Variants in MSI2 observed in about 807,000 individuals in gnomAD.
The protein encoded by MSI2 is RNA-binding protein Musashi homolog 2.
A neutral mutation model predicts 45.6 loss-of-function variants in MSI2; 17 were observed. That is an observed-to-expected ratio of 0.37 (90% CI 0.26 to 0.56). MSI2 has a LOEUF of 0.56. Among genes scored for constraint, MSI2 ranks in the 20% least tolerant of loss-of-function variants. The pLI, the probability that MSI2 is intolerant of heterozygous loss-of-function variation, is 0.77. For synonymous variants in MSI2, 156 were observed against 158.2 expected (o/e 0.99, Z 0.11); for missense variants, 293 against 444.2 (o/e 0.66, Z 3.06).
At chr17:57,503,806 G>T (rs1044162599) in intron 6 of MSI2, among the ~76,000 whole-genome samples, 35 of 152,214 alleles carry the variant, frequency 2.3e-4, no homozygotes, top group Non-Finnish European at 4.4e-5. Context: ...GTGCAGTCGC[G>T]CAATCGCGGC....
intron 4 of MSI2, 102 bp downstream of exon 4, chr17:57,258,456 G>T (rs560520867): frequency 1.8e-5 from 18 of 999,490 alleles, no homozygotes; most frequent in Middle Eastern, 2.1e-4. Context: ...TTCTGTGCTA[G>T]AACTGGGTAG....
At chr17:57,368,276 G>A (rs1459689803) in intron 5 of MSI2, among the ~76,000 whole-genome samples, 1 of 152,140 alleles carries the variant, frequency 6.6e-6, no homozygotes, top group South Asian at 2.1e-4. Flanking sequence ...TTGGCTGAGC[G>A]TGGTGGCTCA....
intron 5 of MSI2, among the ~76,000 whole-genome samples, chr17:57,372,224 T>C (rs1168230842): frequency 6.6e-6 from 1 of 152,230 alleles, no homozygotes; most frequent in Non-Finnish European, 1.5e-5. Flanking sequence ...AAGCTCTCTC[T>C]TTCGGGTTTA....
intron 7 of MSI2, among the ~76,000 whole-genome samples, chr17:57,576,753 TA>T (rs569924345): frequency 0.32 from 41,135 of 128,638 alleles, 6,148 homozygotes; most frequent in Admixed American, 0.38. Context: ...AATCTGTCTT[TA>T]AAAAAAAAAA....
intron 7 of MSI2, among the ~76,000 whole-genome samples, chr17:57,557,579 G>C: frequency 6.6e-6 from 1 of 152,254 alleles, no homozygotes; most frequent in South Asian, 2.1e-4. Context: ...TGTGTGGCCA[G>C]GGACAGGTTC....
intron 6 of MSI2, among the ~76,000 whole-genome samples, chr17:57,512,874 C>T (rs1237098842): frequency 6.6e-6 from 1 of 151,842 alleles, no homozygotes; most frequent in Non-Finnish European, 1.5e-5. Flanking sequence ...AATACTAGAT[C>T]TTCTGACCAG....
chr17:57,395,483 A>G (rs1806344525), intron 5 of MSI2, among the ~76,000 whole-genome samples: 1 of 152,122 alleles, frequency 6.6e-6, no homozygotes, highest in South Asian at 2.1e-4. Context: ...AGGTGGCAGG[A>G]GGGTGGCTCC....
intron 11 of MSI2, 82 bp from the exon 12 acceptor site, chr17:57,674,890 A>C: frequency 1.3e-6 from 2 of 1,570,170 alleles, no homozygotes; most frequent in Non-Finnish European, 1.7e-6. Flanking sequence ...TTCTGGCCTC[A>C]TACCCAGCTC....
At chr17:57,435,719 G>C (rs900877088) in intron 6 of MSI2, among the ~76,000 whole-genome samples, 14 of 152,216 alleles carry the variant, frequency 9.2e-5, no homozygotes, top group Admixed American at 6.5e-4. Context: ...GGGCTATGCT[G>C]TCTCACGTAA....
At chr17:57,686,657 A>T (rs1399832130), downstream of MSI2, among the ~76,000 whole-genome samples, 1 of 152,226 alleles carries the variant, frequency 6.6e-6, no homozygotes, top group African/African-American at 2.4e-5. Context: ...AACACTCCAC[A>T]GCAATATTAT....
intron 6 of MSI2, among the ~76,000 whole-genome samples, chr17:57,459,788 A>G (rs143339118): frequency 0.013 from 1,926 of 151,792 alleles, 24 homozygotes; most frequent in Non-Finnish European, 0.021. Flanking sequence ...GAGCCCAGGA[A>G]TTCAAGACCA....
At chr17:57,275,607 G>A (rs1211350789) in intron 5 of MSI2, among the ~76,000 whole-genome samples, 1 of 152,198 alleles carries the variant, frequency 6.6e-6, no homozygotes, top group East Asian at 1.9e-4. Flanking sequence ...CTGTATGTGG[G>A]TCCCTTTCAC....
In MSI2 at chr17:57,378,048, C is replaced by A. The variant is rs181791250; in HGVS notation, c.313-23331C>A. ...CGAGATTGCACCACTGCACTCCAGCCTGGGTGACAGAGCGAGACATCATCT... is the reference window on the plus strand; with the variant it reads ...CGAGATTGCACCACTGCACTCCAGCATGGGTGACAGAGCGAGACATCATCT... On this transcript the variant is annotated intron_variant, in intron 5 of 13. Transcript: ENST00000284073. Among the ~76,000 whole-genome samples the A allele has an allele frequency of 5.0e-3, 747 of 149,060 alleles. 4 individuals are homozygous for A. Among genetic ancestry groups the A allele is most frequent in the African/African-American group, 0.018 (714 of 40,344 alleles).
intron 7 of MSI2, among the ~76,000 whole-genome samples, chr17:57,581,008 T>TTTTTC (rs2088190438): frequency 8.2e-6 from 1 of 122,040 alleles, no homozygotes; most frequent in African/African-American, 3.1e-5. Flanking sequence ...CAGCATCTTT[T>TTTTTC]TTTTTTTTTT....
chr17:57,690,480 A>G, the MSI2 span, among the ~76,000 whole-genome samples: 1 of 151,656 alleles, frequency 6.6e-6, no homozygotes, highest in Non-Finnish European at 1.5e-5. Context: ...TTAGCTGGTC[A>G]TTGCAGTGTG....
chr17:57,517,492 C>T (rs2086494161), intron 6 of MSI2, among the ~76,000 whole-genome samples: 1 of 152,160 alleles, frequency 6.6e-6, no homozygotes, highest in African/African-American at 2.4e-5. Context: ...GAGGGCGGGG[C>T]AGAGATGCTC....
chr17:57,506,272 G>A (rs1338151808), intron 6 of MSI2, among the ~76,000 whole-genome samples: 1 of 152,148 alleles, frequency 6.6e-6, no homozygotes, highest in African/African-American at 2.4e-5. Context: ...ACATTTCCAA[G>A]GTTCTCCACT....
intron 5 of MSI2, chr17:57,268,606 G>A (rs1223504427): frequency 6.6e-6 from 1 of 151,920 alleles, no homozygotes; most frequent in Non-Finnish European, 1.5e-5. Flanking sequence ...GGGAGGCCGA[G>A]GCGGGTGGGT....
chr17:57,425,648 T>G (rs1176399253), intron 6 of MSI2, among the ~76,000 whole-genome samples: 1 of 152,250 alleles, frequency 6.6e-6, no homozygotes, highest in Non-Finnish European at 1.5e-5. Flanking sequence ...TAGGATCATT[T>G]AGGTTGTTTG....
Sources: allele counts gnomAD v4.1 joint callset (sites outside exome capture counted in the v4.1 genomes callset), GRCh38; gene constraint gnomAD v4.1.1; transcripts MANE v1.5; gene names NCBI Gene and HGNC (gene_info 2026-07-23, HGNC 2026-07-21).